BTD: variants seen among roughly 807,000 people sequenced by gnomAD.
BTD encodes biotinidase, also known as biocytinase.
Under a neutral mutation model 17.7 loss-of-function variants are expected in BTD, and 13 were observed. That is an observed-to-expected ratio of 0.74 (90% CI 0.48 to 1.17). BTD has a LOEUF of 1.17. Among genes scored for constraint, BTD ranks in the 50% most tolerant of loss-of-function variants. BTD has a pLI of 0.00. For synonymous variants in BTD, 240 were observed against 245.2 expected (o/e 0.98, Z 0.20); for missense variants, 674 against 650.4 (o/e 1.04, Z -0.39).
downstream of BTD, among the ~76,000 whole-genome samples, chr3:15,713,113 T>C (rs1209699891): frequency 2.6e-5 from 4 of 152,136 alleles, no homozygotes; most frequent in East Asian, 7.7e-4. Context: ...AAGAACTCCT[T>C]CGTAGGATTC....
In BTD at chr3:15,645,841, T is replaced by TG; in HGVS notation, c.*353_*354insG. Reference sequence around the variant, plus strand: ...CCACAAAGCAGTGGCTTGGGGTTTTTTTTTTTTTTTTTATCTTGTTGATCA... The same window carrying TG: ...CCACAAAGCAGTGGCTTGGGGTTTTTGTTTTTTTTTTTTATCTTGTTGATCA... On this transcript the variant is annotated 3_prime_UTR_variant, in exon 4 of 4. Coordinates refer to ENST00000643237, the MANE Select transcript of BTD (RefSeq NM_001370658.1). The TG allele has an allele frequency of 5.3e-6, 1 of 190,316 alleles. No individual in the cohort carries two copies. Among genetic ancestry groups the TG allele is most frequent in the East Asian group, 1.5e-4 (1 of 6,826 alleles). 11.8% of individuals were successfully genotyped at this position (190,316 alleles called of 1,614,324 possible).
intron 3 of BTD, among the ~76,000 whole-genome samples, chr3:15,675,426 G>GAACT (rs2066836091): frequency 6.6e-6 from 1 of 152,056 alleles, no homozygotes; most frequent in Non-Finnish European, 1.5e-5. Context: ...AAGGATGAGG[G>GAACT]AACTAATGTT....
chr3:15,607,970 C>T (rs1295811205), intron 1 of BTD, among the ~76,000 whole-genome samples: 1 of 152,166 alleles, frequency 6.6e-6, no homozygotes, highest in Non-Finnish European at 1.5e-5. Flanking sequence ...CTTCAGAGTA[C>T]CAAAGCTCAG....
At chr3:15,639,651 T>C (rs2065446890) in intron 2 of BTD, among the ~76,000 whole-genome samples, 1 of 152,170 alleles carries the variant, frequency 6.6e-6, no homozygotes. Flanking sequence ...CTAGTATAAT[T>C]TGGAAAGGCT....
At chr3:15,603,453 G>A (rs1057068424) in intron 1 of BTD, among the ~76,000 whole-genome samples, 1 of 151,974 alleles carries the variant, frequency 6.6e-6, no homozygotes, top group African/African-American at 2.4e-5. Flanking sequence ...GTCAAGAGAT[G>A]GAGACCATCC....
intron 1 of BTD, among the ~76,000 whole-genome samples, chr3:15,630,726 A>G (rs1426526952): frequency 6.6e-6 from 1 of 152,224 alleles, no homozygotes; most frequent in Non-Finnish European, 1.5e-5. Context: ...ACCTCAACTC[A>G]GAGGACATAT....
intron 4 of BTD, among the ~76,000 whole-genome samples, chr3:15,720,718 T>A (rs1559403517): frequency 6.6e-6 from 1 of 152,214 alleles, no homozygotes; most frequent in Non-Finnish European, 1.5e-5. Context: ...TGGAATTTTA[T>A]TGGTTCTAGA....
rs780028391 is a variant in BTD at position 15,673,980 on chromosome 3, G to A, written c.399+31923G>A. On this transcript the variant is annotated intron_variant, in intron 3 of 3. Transcript: ENST00000672141. ...TGCTTGAGGCCAGGAGTTCAAGACC[G>A]GCCTGGACAATATAGTGAGAGTCTG... 6.1e-4 allele frequency among the ~76,000 whole-genome samples: 92 copies of A among 151,540 alleles called. No homozygotes were observed. The Middle Eastern group carries it at 0.01, about 17-fold the overall frequency.
intron 3 of BTD, chr3:15,676,002 A>C: frequency 6.2e-7 from 1 of 1,606,662 alleles, no homozygotes. Flanking sequence ...AGGGGAAAAA[A>C]CATGATACAT....
chr3:15,634,822 A>T (rs1040322464), intron 1 of BTD, among the ~76,000 whole-genome samples: 1 of 152,234 alleles, frequency 6.6e-6, no homozygotes, highest in Non-Finnish European at 1.5e-5. Context: ...ATTGGCATTT[A>T]TGTAGAAGTC....
intron 3 of BTD, chr3:15,689,978 G>C (rs1156833801): frequency 2.0e-6 from 3 of 1,505,834 alleles, no homozygotes; most frequent in African/African-American, 1.4e-5. Flanking sequence ...AAAAGTATTG[G>C]ATAGAAGTTA....
chr3:15,675,974 A>G (rs1382132915), intron 3 of BTD: 20 of 1,612,944 alleles, frequency 1.2e-5, no homozygotes, highest in Non-Finnish European at 1.7e-5. Context: ...CATTTCGGGC[A>G]GCAACATGCA....
chr3:15,695,255 T>G (rs2069364521), intron 3 of BTD: 2 of 1,403,622 alleles, frequency 1.4e-6, no homozygotes, highest in African/African-American at 2.8e-5. Context: ...GCTTGGGAAG[T>G]ATTCATCTAT....
downstream of BTD, among the ~76,000 whole-genome samples, chr3:15,657,573 T>C (rs1463252794): frequency 6.6e-6 from 1 of 152,234 alleles, no homozygotes; most frequent in Non-Finnish European, 1.5e-5. Context: ...CTATTTATTA[T>C]CATAACTTCA....
At chr3:15,666,773 T>TA (rs987378928) in intron 3 of BTD, among the ~76,000 whole-genome samples, 7 of 152,222 alleles carry the variant, frequency 4.6e-5, no homozygotes, top group African/African-American at 1.7e-4. Context: ...ACCAACCATT[T>TA]AAAGAGCTGC....
rs557203499 is a variant in BTD, at chr3:15,680,662, T to C, written c.400-29398T>C. 2.0e-5 allele frequency among the ~76,000 whole-genome samples: 3 copies of C among 152,308 alleles called. 1 individual carries two copies. The South Asian group carries it at 6.2e-4, about 32-fold the overall frequency. On this transcript the variant is annotated intron_variant, in intron 3 of 3. Transcript: ENST00000672141. ...GTAATGAAACATTCTGGTATTTTTT[T>C]ATTTTATTAAAACAATTTTTTGAGA...
intron 1 of BTD, among the ~76,000 whole-genome samples, chr3:15,616,758 A>G (rs77879484): frequency 0.036 from 5,535 of 152,270 alleles, 278 homozygotes; most frequent in African/African-American, 0.11. Context: ...ATGATGCTGA[A>G]CATCTTTTCA....
At position 15,650,425 on chromosome 3, in the gene BTD, T is replaced by A. The variant is rs1206461380; in HGVS notation, c.*4937T>A. Among the ~76,000 whole-genome samples, 1 of 87,778 alleles carries A rather than the reference T, an allele frequency of 1.1e-5. No homozygotes were observed. The highest frequency in any genetic ancestry group is 2.3e-5 in the Non-Finnish European group (1 of 44,210). The allele number at this position is 87,778 out of a possible 152,430, so 57.6% of individuals were successfully genotyped here. On this transcript the variant is annotated 3_prime_UTR_variant, in exon 4 of 4. Coordinates refer to ENST00000643237, the MANE Select transcript of BTD (RefSeq NM_001370658.1). ...CCTTCTCATTCTCTTCATCTTTTTC[T>A]TTTTGTTTGAGCAAAAAAAAAAAAG...
chr3:15,665,979 G>A (rs868863161), intron 3 of BTD, among the ~76,000 whole-genome samples: 1 of 152,218 alleles, frequency 6.6e-6, no homozygotes, highest in Non-Finnish European at 1.5e-5. Flanking sequence ...AGAGGCATGA[G>A]TAAGAGTGAT....
Sources: gnomAD v4.1 joint callset for allele counts (sites outside exome capture counted in the v4.1 genomes callset) on GRCh38, gnomAD v4.1.1 for gene constraint, MANE v1.5 for transcripts, NCBI Gene and HGNC (gene_info 2026-07-23, HGNC 2026-07-21) for gene names.